ZFP14: variants seen among roughly 807,000 people sequenced by gnomAD.
ZFP14 encodes zinc finger protein 14 homolog.
Under a neutral mutation model 54.5 loss-of-function variants are expected in ZFP14, and 22 were observed. That is an observed-to-expected ratio of 0.40 (90% CI 0.29 to 0.58). ZFP14 has a LOEUF of 0.58. Ranked by LOEUF, ZFP14 falls within the 20% of genes least tolerant of loss-of-function variation. ZFP14 has a pLI of 0.39. For missense variants in ZFP14, 470 were observed against 637.8 expected, an observed-to-expected ratio of 0.74 and a Z score of 2.83; for synonymous variants, 159 against 204.0, an observed-to-expected ratio of 0.78 and a Z score of 1.88.
chr19:36,364,771 T>G (rs538634552), intron 2 of ZFP14, among the ~76,000 whole-genome samples: 3 of 151,796 alleles, frequency 2.0e-5, no homozygotes, highest in African/African-American at 7.2e-5. Flanking sequence ...AAGTTTAGAG[T>G]TTTCCCTATA....
intron 1 of ZFP14, among the ~76,000 whole-genome samples, chr19:36,373,886 T>C (rs1371466383): frequency 2.6e-5 from 3 of 114,080 alleles, no homozygotes; most frequent in Non-Finnish European, 1.6e-5. Context: ...CACTCAAGCC[T>C]GGGCAACAGA....
In ZFP14 at chr19:36,340,379, T is replaced by C; in HGVS notation, c.1447A>G (p.Lys483Glu). The C allele has an allele frequency of 6.2e-7, 1 of 1,614,170 alleles. No homozygotes were observed. Among genetic ancestry groups the C allele is most frequent in the South Asian group, 1.1e-5 (1 of 91,084 alleles). The change falls in exon 5 of 5, where the codon AAG (lysine) becomes GAG (glutamate). Residue 483 changes from lysine (K) to glutamate (E), a missense_variant. Physicochemically the swap from Lys to Glu is moderately conservative, Grantham distance 56. Transcript: ENST00000270001. This position sits in a 1 kb window ranked among gnomAD's most constrained non-coding sequence, Gnocchi z 5.4. ...AGTCTAAAAGCCTTACCACATTCCT[T>C]ACATTCATAAGGTTTCTCACCAGTG... Reference protein sequence around the residue: ...IHTGEKPYECKECGKAFRLYS... With the variant: ...IHTGEKPYECEECGKAFRLYS...
chr19:36,371,339 G>C (rs970966438), intron 1 of ZFP14, among the ~76,000 whole-genome samples: 1 of 152,086 alleles, frequency 6.6e-6, no homozygotes, highest in Non-Finnish European at 1.5e-5. Flanking sequence ...ACTTTAAAAA[G>C]TGAGAAAAAC....
rs1282896919 is a variant in ZFP14 at position 36,337,775 on chromosome 19, A to G, written c.*2449T>C. ...AGGAAGTGTGTTGTCTGATAGACCCATTTTTATTAAGGTTAAAACAGATCA... is the reference window on the plus strand; with the variant it reads ...AGGAAGTGTGTTGTCTGATAGACCCGTTTTTATTAAGGTTAAAACAGATCA... On this transcript the variant is annotated 3_prime_UTR_variant, in exon 5 of 5. Transcript: ENST00000270001. 1 of 152,162 alleles carries G rather than the reference A, an allele frequency of 6.6e-6. No homozygotes were observed. Among genetic ancestry groups the G allele is most frequent in the African/African-American group, 2.4e-5 (1 of 41,450 alleles). The allele number at this position is 152,162 out of a possible 1,614,324, so 9.4% of individuals were successfully genotyped here.
rs1199918983 is a variant in ZFP14, at chr19:36,355,697, G to GA, written c.235+4737dup. Among the ~76,000 whole-genome samples, 7 of 136,458 alleles carry GA rather than the reference G, an allele frequency of 5.1e-5. 1 individual carries two copies. The highest frequency in any genetic ancestry group is 2.4e-4 in the South Asian group (1 of 4,244). The allele number at this position is 136,458 out of a possible 152,430, so 89.5% of individuals were successfully genotyped here. ...AGCCCTGTCTCAAAAAAAAAAAGAA[G>GA]AAAAAAAAAGGAAGAGAGTGACCTC... On this transcript the variant is annotated intron_variant, in intron 4 of 4. Transcript: ENST00000270001.
At position 36,340,651 on chromosome 19, in the gene ZFP14, C is replaced by A; in HGVS notation, c.1175G>T (p.Arg392Leu). The change falls in exon 5 of 5, where the codon CGT (arginine) becomes CTT (leucine). Residue 392 changes from arginine (R) to leucine (L), a missense_variant. Arg to Leu is a moderately radical substitution (Grantham distance 102, BLOSUM62 -2). Transcript: ENST00000270001. This position sits in a 1 kb window ranked among gnomAD's most constrained non-coding sequence, Gnocchi z 5.4. ...TTCCATACATTCATAGGGTTTCTCA[C>A]GAGTATGTATTCTCTGATGGCGAAC... The part of the protein sequence containing the change: ...QLVRHQRIHT[R>L]EKPYECMECW... The A allele has an allele frequency of 6.2e-7, 1 of 1,614,066 alleles. No homozygotes were observed. The highest frequency in any genetic ancestry group is 2.2e-5 in the East Asian group (1 of 44,858).
chr19:36,357,813 G>A (rs538612421), intron 4 of ZFP14, among the ~76,000 whole-genome samples: 1 of 152,000 alleles, frequency 6.6e-6, no homozygotes, highest in East Asian at 1.9e-4. Context: ...TGTGATCTCG[G>A]CTCACTGCAA....
At chr19:36,345,317 A>G (rs1274363759) in intron 4 of ZFP14, among the ~76,000 whole-genome samples, 1 of 152,158 alleles carries the variant, frequency 6.6e-6, no homozygotes, top group Non-Finnish European at 1.5e-5. Context: ...GGTCCTATCC[A>G]TTCCCATGTA....
intron 1 of ZFP14, among the ~76,000 whole-genome samples, chr19:36,368,360 C>T (rs1399067417): frequency 1.3e-5 from 2 of 152,082 alleles, no homozygotes; most frequent in African/African-American, 2.4e-5. Flanking sequence ...CCCAGCTACT[C>T]GGGAGGCTGA....
At position 36,354,683 on chromosome 19, in the gene ZFP14, C is replaced by T. The variant is rs1246307785; in HGVS notation, c.235+5752G>A. ...CCTGACCACCCTATTTAAAACATCC[C>T]TATCTCTACTTGCCAACTTCCATTC... On this transcript the variant is annotated intron_variant, in intron 4 of 4. Transcript: ENST00000270001. Among the ~76,000 whole-genome samples the T allele has an allele frequency of 2.8e-5, 4 of 142,224 alleles. 1 individual carries two copies. The highest frequency in any genetic ancestry group is 6.2e-5 in the Non-Finnish European group (4 of 64,274). The allele number at this position is 142,224 out of a possible 152,430, so 93.3% of individuals were successfully genotyped here.
At chr19:36,364,994 C>CTTTTTTTTTTTTTTTT (rs398034482) in intron 2 of ZFP14, among the ~76,000 whole-genome samples, 9 of 61,974 alleles carry the variant, frequency 1.5e-4, no homozygotes, top group Admixed American at 2.7e-4. Flanking sequence ...TTTTCTTTTT[C>CTTTTTTTTTTTTTTTT]TTTTTTTTTT....
chr19:36,368,074 C>A (rs1600083563), intron 1 of ZFP14, 103 bp from the exon 2 acceptor site: 2 of 609,406 alleles, frequency 3.3e-6, no homozygotes, highest in South Asian at 2.9e-5. Flanking sequence ...TTCCTTCTCC[C>A]AAACTACTTC....
Position 36,351,320 on chromosome 19 carries a change from G to A in ZFP14, c.235+9115C>T, listed in dbSNP as rs868684362. Among the ~76,000 whole-genome samples, 6 of 141,790 alleles carry A rather than the reference G, an allele frequency of 4.2e-5. 1 individual carries two copies. Among genetic ancestry groups the A allele is most frequent in the South Asian group, 4.5e-4 (2 of 4,482 alleles). The allele number at this position is 141,790 out of a possible 152,430, so 93.0% of individuals were successfully genotyped here. Reference sequence around the variant, plus strand: ...TCAAGACCAGCCTGGCCAACATGGCGAAACCCCGTCTCTACTAAAAACTAC... The same window carrying A: ...TCAAGACCAGCCTGGCCAACATGGCAAAACCCCGTCTCTACTAAAAACTAC... On this transcript the variant is annotated intron_variant, in intron 4 of 4. Coordinates refer to ENST00000270001, the MANE Select transcript of ZFP14 (RefSeq NM_020917.3).
chr19:36,369,538 G>A (rs2031848969), intron 1 of ZFP14, among the ~76,000 whole-genome samples: 1 of 151,772 alleles, frequency 6.6e-6, no homozygotes, highest in South Asian at 2.1e-4. Context: ...AGTCTTCCAA[G>A]TAGCTGGGAT....
chr19:36,340,976 A>G lies in ZFP14; in HGVS notation c.850T>C (p.Tyr284His), dbSNP rs1465520254. Residue 284 changes from tyrosine to histidine, a missense_variant, in exon 5 of 5, where the codon TAT becomes CAT. Coordinates refer to ENST00000270001, the MANE Select transcript of ZFP14 (RefSeq NM_020917.3). This position sits in a 1 kb window ranked among gnomAD's most constrained non-coding sequence, Gnocchi z 5.4. Reference protein sequence around the residue: ...HQRIHTGEKPYECKDCGKTFR... With the variant: ...HQRIHTGEKPHECKDCGKTFR... ...GTCTTTCCACAGTCCTTACATTCAT[A>G]GGGTTTCTCACCAGTGTGAATTCTC... 6.2e-7 allele frequency: 1 copy of G among 1,614,142 alleles called. No homozygotes were observed. The highest frequency in any genetic ancestry group is 2.2e-5 in the East Asian group (1 of 44,880).
chr19:36,350,365 C>A (rs2031504364), intron 4 of ZFP14, among the ~76,000 whole-genome samples: 1 of 141,286 alleles, frequency 7.1e-6, no homozygotes, highest in African/African-American at 2.6e-5. Context: ...ATTTGGGAAG[C>A]CAAGGAGGGA....
chr19:36,346,343 C>T (rs926433320), intron 4 of ZFP14, among the ~76,000 whole-genome samples: 1 of 151,870 alleles, frequency 6.6e-6, no homozygotes, highest in African/African-American at 2.4e-5. Context: ...AAACAAAAAA[C>T]AAAAACAAAA....
intron 2 of ZFP14, among the ~76,000 whole-genome samples, chr19:36,364,578 G>A (rs2031762176): frequency 6.6e-6 from 1 of 152,084 alleles, no homozygotes; most frequent in South Asian, 2.1e-4. Flanking sequence ...TAGGCCTTTA[G>A]GGTCTTGACA....
chr19:36,367,154 CAA>C (rs35169998), intron 2 of ZFP14, among the ~76,000 whole-genome samples: 31 of 134,514 alleles, frequency 2.3e-4, no homozygotes, highest in African/African-American at 4.6e-4. Flanking sequence ...AACTCTGTCT[CAA>C]AAAAAAAAAA....
Sources: gnomAD v4.1 joint callset for allele counts (sites outside exome capture counted in the v4.1 genomes callset) on GRCh38, gnomAD v4.1.1 for gene constraint, Gnocchi (gnomAD v3.1) non-coding constraint, MANE v1.5 for transcripts, NCBI Gene and HGNC (gene_info 2026-07-23, HGNC 2026-07-21) for gene names.